AFG2A: variants seen among roughly 807,000 people sequenced by gnomAD.
AFG2A encodes the protein ATPase family gene 2 protein homolog A.
At chr4:123,202,641 A>C in the AFG2A span, among the ~76,000 whole-genome samples, 3 of 152,158 alleles carry the variant, frequency 2.0e-5, no homozygotes, top group Admixed American at 1.3e-4. Flanking sequence ...TTCAGTTCTT[A>C]TCAGTTTTTA....
At chr4:123,131,643 G>A in the AFG2A span, among the ~76,000 whole-genome samples, 1 of 152,008 alleles carries the variant, frequency 6.6e-6, no homozygotes, top group Non-Finnish European at 1.5e-5. Context: ...ATTATTTTAT[G>A]TTATATAATG....
At chr4:123,278,366 C>T in the AFG2A span, among the ~76,000 whole-genome samples, 2 of 151,974 alleles carry the variant, frequency 1.3e-5, no homozygotes, top group Non-Finnish European at 2.9e-5. Context: ...ATTAGTCTAG[C>T]TAGCAGTCTA....
At chr4:123,015,065 C>T in the AFG2A span, among the ~76,000 whole-genome samples, 2 of 152,170 alleles carry the variant, frequency 1.3e-5, no homozygotes, top group Non-Finnish European at 2.9e-5. Flanking sequence ...GAACACTCAG[C>T]CCTTCCCACT....
the AFG2A span, among the ~76,000 whole-genome samples, chr4:123,116,306 A>G: frequency 6.6e-6 from 1 of 152,226 alleles, no homozygotes; most frequent in Non-Finnish European, 1.5e-5. Flanking sequence ...AAACCAAACA[A>G]AAATTATTGG....
chr4:123,080,038 C>T, the AFG2A span, among the ~76,000 whole-genome samples: 1 of 152,042 alleles, frequency 6.6e-6, no homozygotes, highest in Non-Finnish European at 1.5e-5. Flanking sequence ...CATGAGCCAC[C>T]GCACCTGGCC....
chr4:123,255,402 A>T, the AFG2A span, among the ~76,000 whole-genome samples: 1 of 151,708 alleles, frequency 6.6e-6, no homozygotes, highest in African/African-American at 2.4e-5. Flanking sequence ...CTGTAGTCCC[A>T]GCCACTAGGG....
chr4:123,034,132 C>A, the AFG2A span, among the ~76,000 whole-genome samples: 1 of 151,540 alleles, frequency 6.6e-6, no homozygotes, highest in Non-Finnish European at 1.5e-5. Flanking sequence ...GTTCCACAAC[C>A]AAACACAGAT....
chr4:123,015,180 TTC>T, the AFG2A span, among the ~76,000 whole-genome samples: 3 of 97,984 alleles, frequency 3.1e-5, no homozygotes, highest in Admixed American at 1.3e-4. Flanking sequence ...TCTGACATTT[TTC>T]TTTCTTTTTT....
At chr4:123,189,141 A>G in the AFG2A span, among the ~76,000 whole-genome samples, 1 of 152,212 alleles carries the variant, frequency 6.6e-6, no homozygotes. Context: ...TTATAAGTAT[A>G]TGAGGTAATA....
chr4:123,224,129 T>G, the AFG2A span, among the ~76,000 whole-genome samples: 1 of 152,220 alleles, frequency 6.6e-6, no homozygotes. Context: ...TTCATTGTTT[T>G]GTTTTTGGGT....
At chr4:122,943,599 T>C in the AFG2A span, among the ~76,000 whole-genome samples, 1 of 152,134 alleles carries the variant, frequency 6.6e-6, no homozygotes, top group Non-Finnish European at 1.5e-5. Context: ...AGTTTGCCAG[T>C]CTGTGTCTTT....
the AFG2A span, among the ~76,000 whole-genome samples, chr4:123,012,803 C>T: frequency 2.0e-5 from 3 of 152,066 alleles, no homozygotes; most frequent in Admixed American, 6.5e-5. Flanking sequence ...GGCCGCTTAC[C>T]GACTTTAAAA....
the AFG2A span, among the ~76,000 whole-genome samples, chr4:123,186,497 A>C: frequency 6.6e-6 from 1 of 152,198 alleles, no homozygotes; most frequent in Non-Finnish European, 1.5e-5. Flanking sequence ...GTTGAAGCTG[A>C]ATGCCTTCTT....
chr4:123,300,755 T>G, the AFG2A span, among the ~76,000 whole-genome samples: 5 of 14,242 alleles, frequency 3.5e-4, no homozygotes, highest in Admixed American at 3.4e-3. Flanking sequence ...TTTTTTTGTT[T>G]TTTTTTTTTT....
the AFG2A span, among the ~76,000 whole-genome samples, chr4:123,075,074 G>A: frequency 2.0e-5 from 3 of 152,034 alleles, no homozygotes; most frequent in East Asian, 3.9e-4. Flanking sequence ...CTCCCAAGTA[G>A]CTGGGATTAC....
the AFG2A span, among the ~76,000 whole-genome samples, chr4:122,983,057 G>A: frequency 0.013 from 1,983 of 151,662 alleles, 52 homozygotes; most frequent in African/African-American, 0.046. Context: ...TAGTAGAGAC[G>A]GGGTTTCACC....
At chr4:122,927,569 A>G in the AFG2A span, 633 of 1,515,592 alleles carry the variant, frequency 4.2e-4, 1 homozygote, top group Middle Eastern at 3.7e-3. Flanking sequence ...TATTTACTGC[A>G]AAAGAAAGCA....
the AFG2A span, among the ~76,000 whole-genome samples, chr4:123,171,484 G>C: frequency 6.6e-6 from 1 of 152,034 alleles, no homozygotes; most frequent in African/African-American, 2.4e-5. Flanking sequence ...AGGGAGAGAG[G>C]ACAGATCAGA....
At chr4:123,317,155 A>C in the AFG2A span, 1 of 148,094 alleles carries the variant, frequency 6.8e-6, no homozygotes, top group Non-Finnish European at 1.5e-5. Flanking sequence ...AACCCGGGAG[A>C]CGGAGCTTGC....
Sources: allele counts gnomAD v4.1 joint callset (sites outside exome capture counted in the v4.1 genomes callset), GRCh38; gene constraint gnomAD v4.1.1; transcripts MANE v1.5; gene names NCBI Gene and HGNC (gene_info 2026-07-23, HGNC 2026-07-21).